The following CPA6 variants were observed in gnomAD, a reference collection of about 807,000 sequenced individuals.
CPA6 encodes carboxypeptidase B.
Under a neutral mutation model 63.3 loss-of-function variants are expected in CPA6, and 58 were observed. The observed-to-expected ratio is 0.92, with a 90% CI of 0.74 to 1.14. The LOEUF (loss-of-function observed/expected upper bound fraction) is 1.14. Among genes scored for constraint, CPA6 ranks in the 50% most tolerant of loss-of-function variants. The pLI, the probability that CPA6 is intolerant of heterozygous loss-of-function variation, is 0.00. For synonymous variants in CPA6, 185 were observed against 179.0 expected, an observed-to-expected ratio of 1.03 and a Z score of -0.27; for missense variants, 565 against 526.6, an observed-to-expected ratio of 1.07 and a Z score of -0.71.
At chr8:67,701,440 T>C (rs1261587861) in intron 1 of CPA6, among the ~76,000 whole-genome samples, 2 of 152,208 alleles carry the variant, frequency 1.3e-5, no homozygotes, top group Non-Finnish European at 2.9e-5. Flanking sequence ...TTCTTAGTTT[T>C]GAAGGGACAG....
At chr8:67,580,623 T>C (rs1345053147) in intron 2 of CPA6, among the ~76,000 whole-genome samples, 1 of 152,122 alleles carries the variant, frequency 6.6e-6, no homozygotes, top group East Asian at 1.9e-4. Flanking sequence ...TTCTTGAAAT[T>C]GAGTGAGTGT....
chr8:67,704,417 A>G (rs1817089937), intron 1 of CPA6, among the ~76,000 whole-genome samples: 1 of 152,232 alleles, frequency 6.6e-6, no homozygotes, highest in Non-Finnish European at 1.5e-5. Flanking sequence ...AAAAGAGAGA[A>G]TCATTTTGTG....
chr8:67,580,257 G>A (rs1813734961), intron 2 of CPA6, among the ~76,000 whole-genome samples: 1 of 152,232 alleles, frequency 6.6e-6, no homozygotes, highest in Admixed American at 6.5e-5. Flanking sequence ...TTAAGCTGTG[G>A]GGGTGCTTCT....
At position 67,609,080 on chromosome 8, in the gene CPA6, T is replaced by C. The variant is rs138984968; in HGVS notation, c.192+15096A>G. On this transcript the variant is annotated intron_variant, in intron 2 of 10. Transcript: ENST00000297770. ...TCTATGGTATCTGTTCATCCTAGAC[T>C]CACATTGCACAACGTCCTTTGATTC... Among the ~76,000 whole-genome samples, 4 of 152,350 alleles carry C rather than the reference T, an allele frequency of 2.6e-5. No homozygotes were observed. In the East Asian group the frequency reaches 7.7e-4, roughly 29 times the overall value.
intron 2 of CPA6, among the ~76,000 whole-genome samples, chr8:67,518,887 T>C (rs1192082964): frequency 6.6e-6 from 1 of 152,120 alleles, no homozygotes; most frequent in African/African-American, 2.4e-5. Flanking sequence ...CCTTCACTTG[T>C]CAATATAAAC....
chr8:67,661,494 C>T (rs891940900), intron 1 of CPA6, among the ~76,000 whole-genome samples: 1 of 152,204 alleles, frequency 6.6e-6, no homozygotes, highest in African/African-American at 2.4e-5. Context: ...GCATCTTGCT[C>T]CTGTAGTTTC....
chr8:67,538,769 C>T (rs1284657989), intron 2 of CPA6, among the ~76,000 whole-genome samples: 2 of 152,010 alleles, frequency 1.3e-5, no homozygotes, highest in African/African-American at 2.4e-5. Flanking sequence ...ATGCCATTCT[C>T]CTGCCTCAGC....
At chr8:67,634,305 C>T (rs7004712) in intron 1 of CPA6, among the ~76,000 whole-genome samples, 4,194 of 149,726 alleles carry the variant, frequency 0.028, 391 homozygotes, top group African/African-American at 0.096. Context: ...CTACAAGCTC[C>T]GCCTCCCGCA....
At chr8:67,480,903 C>T (rs940999487) in intron 8 of CPA6, among the ~76,000 whole-genome samples, 7 of 152,134 alleles carry the variant, frequency 4.6e-5, no homozygotes, top group Non-Finnish European at 1.0e-4. Flanking sequence ...TTTTGATGTA[C>T]ATTTCTCTGT....
At chr8:67,578,551 T>G (rs1469951633) in intron 2 of CPA6, among the ~76,000 whole-genome samples, 5 of 152,188 alleles carry the variant, frequency 3.3e-5, no homozygotes, top group Admixed American at 1.3e-4. Context: ...GGCAGCATCT[T>G]GATTACCAAG....
At chr8:67,590,496 G>A (rs1217642819) in intron 2 of CPA6, among the ~76,000 whole-genome samples, 207 of 151,094 alleles carry the variant, frequency 1.4e-3, no homozygotes, top group South Asian at 2.3e-3. Flanking sequence ...ACTAGTTTAC[G>A]GTCCCACCAA....
rs147800457 is a variant in CPA6, at chr8:67,679,213, G to C, written c.117-54962C>G. On this transcript the variant is annotated intron_variant, in intron 1 of 10. Coordinates refer to ENST00000297770, the MANE Select transcript of CPA6 (RefSeq NM_020361.5). ...TTGTATGTTATACCCATAAAAAGTT[G>C]ACATTACAAAACAAAAGCCCCGAAC... 6.8e-3 allele frequency among the ~76,000 whole-genome samples: 1,038 copies of C among 152,236 alleles called. 7 individuals are homozygous for C. The highest frequency in any genetic ancestry group is 0.024 in the African/African-American group (979 of 41,538).
At chr8:67,565,802 C>T (rs1340107798) in intron 2 of CPA6, among the ~76,000 whole-genome samples, 1 of 152,148 alleles carries the variant, frequency 6.6e-6, no homozygotes, top group African/African-American at 2.4e-5. Flanking sequence ...CCTTGACTCT[C>T]AGGAAGATGA....
chr8:67,560,436 A>G (rs1368868760), intron 2 of CPA6, among the ~76,000 whole-genome samples: 2 of 152,154 alleles, frequency 1.3e-5, no homozygotes, highest in African/African-American at 4.8e-5. Context: ...GAAATAAGTT[A>G]ACAGTCTTCT....
At chr8:67,649,478 T>C (rs987422773) in intron 1 of CPA6, among the ~76,000 whole-genome samples, 7 of 152,228 alleles carry the variant, frequency 4.6e-5, no homozygotes, top group African/African-American at 1.7e-4. Context: ...AGACTTTCCA[T>C]GTACTATCTC....
At chr8:67,700,228 TTTAC>T (rs747701774) in intron 1 of CPA6, among the ~76,000 whole-genome samples, 2 of 152,204 alleles carry the variant, frequency 1.3e-5, no homozygotes, top group African/African-American at 2.4e-5. Context: ...TGTTTATGTG[TTTAC>T]TTAAAGTGGC....
At chr8:67,684,030 T>A (rs867567935) in intron 1 of CPA6, among the ~76,000 whole-genome samples, 27 of 133,474 alleles carry the variant, frequency 2.0e-4, no homozygotes, top group Middle Eastern at 3.9e-3. Context: ...TATATATATA[T>A]AATTTTTATT....
Position 67,483,521 on chromosome 8 carries a change from A to G in CPA6, c.838+247T>C, listed in dbSNP as rs1378639134. ...CTCAGTTTGCTGCTTTTACATATGT[A>G]TTTAAATTTTCAGTTTTCAGGACCG... On this transcript the variant is annotated intron_variant, in intron 8 of 10. Transcript: ENST00000297770. 20 of 541,686 alleles carry G rather than the reference A, an allele frequency of 3.7e-5. No homozygotes were observed. The South Asian group carries it at 4.8e-4, about 13-fold the overall frequency. The allele number at this position is 541,686 out of a possible 1,614,324, so 33.6% of individuals were successfully genotyped here.
intron 1 of CPA6, among the ~76,000 whole-genome samples, chr8:67,636,954 G>A (rs1051917720): frequency 6.6e-6 from 1 of 151,588 alleles, no homozygotes; most frequent in Admixed American, 6.6e-5. Flanking sequence ...ATGCTCTAGA[G>A]AGCTAAATGG....
Sources: allele counts gnomAD v4.1 joint callset (sites outside exome capture counted in the v4.1 genomes callset), GRCh38; gene constraint gnomAD v4.1.1; transcripts MANE v1.5; gene names NCBI Gene and HGNC (gene_info 2026-07-23, HGNC 2026-07-21).